The following BACH2 variants were observed in gnomAD, a reference collection of about 807,000 sequenced individuals.
BACH2 encodes the protein transcription regulator protein BACH2.
In BACH2, 5 loss-of-function variants were observed where a neutral mutation model predicts 61.8. The observed-to-expected ratio is 0.08, with a 90% CI of 0.04 to 0.17. The LOEUF (loss-of-function observed/expected upper bound fraction) is 0.17. BACH2 is among the 10% of genes least tolerant of loss of function. The pLI is 1.00. For synonymous variants in BACH2, 446 were observed against 440.1 expected (o/e 1.01, Z -0.17); for missense variants, 824 against 1,091.1 (o/e 0.76, Z 3.45).
chr6:90,212,518 G>A (rs1228071355), intron 3 of BACH2, among the ~76,000 whole-genome samples: 1 of 152,134 alleles, frequency 6.6e-6, no homozygotes, highest in African/African-American at 2.4e-5. Flanking sequence ...CTATAACATG[G>A]TTCTGCCCCA....
intron 1 of BACH2, among the ~76,000 whole-genome samples, chr6:90,274,541 C>T (rs533518135): frequency 4.6e-5 from 7 of 152,264 alleles, no homozygotes; most frequent in African/African-American, 1.2e-4. Context: ...GACAAGCTGG[C>T]GGAAGTGGGT....
Position 90,014,944 on chromosome 6 carries a change from A to ATT in BACH2, c.-12-6090_-12-6089dup, listed in dbSNP as rs386407909. Among the ~76,000 whole-genome samples the ATT allele has an allele frequency of 1.3e-3, 173 of 133,628 alleles. 1 individual carries two copies. The highest frequency in any genetic ancestry group is 1.6e-3 in the African/African-American group (59 of 35,920). 87.7% of individuals were successfully genotyped at this position (133,628 alleles called of 152,430 possible). A position where few individuals can be genotyped will look rare whatever the true frequency, so the allele number is the denominator to read the frequency against. ...ATAGGCCGTGCCACCATGTTCAGCT[A>ATT]TTTTTTTTTTTTTTTTGTAAGAGAT... On this transcript the variant is annotated intron_variant, in intron 5 of 8. Coordinates refer to ENST00000257749, the MANE Select transcript of BACH2 (RefSeq NM_021813.4).
intron 4 of BACH2, among the ~76,000 whole-genome samples, chr6:90,133,135 T>C (rs1198476047): frequency 6.6e-6 from 1 of 152,216 alleles, no homozygotes; most frequent in Non-Finnish European, 1.5e-5. Flanking sequence ...CCCAGAAGAT[T>C]ATATTTTCTA....
rs373876459 is a variant in BACH2 at position 89,990,110 on chromosome 6, T to C, written c.243+18492A>G. Among the ~76,000 whole-genome samples the C allele has an allele frequency of 2.3e-4, 35 of 152,230 alleles. No individual in the cohort carries two copies. In the East Asian group the frequency reaches 5.0e-3, roughly 22 times the overall value. ...ATATGTCACTGTGAATAGGGCCACATCTTCACCACATATTCTCCCTTTCCC... is the reference window on the plus strand; with the variant it reads ...ATATGTCACTGTGAATAGGGCCACACCTTCACCACATATTCTCCCTTTCCC... On this transcript the variant is annotated intron_variant, in intron 6 of 8. Transcript: ENST00000257749.
rs539402658 is a variant in BACH2 at position 90,006,135 on chromosome 6, T to G, written c.243+2467A>C. Among the ~76,000 whole-genome samples the G allele has an allele frequency of 5.9e-5, 9 of 152,340 alleles. No homozygotes were observed. In the South Asian group the frequency reaches 1.9e-3, roughly 32 times the overall value. ...CCAGTTTCCTTTACACTTTACTGCC[T>G]TGGTATTGTATTTTTGGTAAATAAT... is the stretch of plus-strand genomic sequence containing the variant. On this transcript the variant is annotated intron_variant, in intron 6 of 8. Coordinates refer to ENST00000257749, the MANE Select transcript of BACH2 (RefSeq NM_021813.4).
intron 5 of BACH2, among the ~76,000 whole-genome samples, chr6:90,011,426 T>TG (rs2127781625): frequency 6.6e-6 from 1 of 152,350 alleles, no homozygotes; most frequent in Admixed American, 6.5e-5. Context: ...TTGTTTTTTT[T>TG]GGAGACAAAC....
At chr6:90,091,482 A>C (rs1389063860) in intron 4 of BACH2, among the ~76,000 whole-genome samples, 6 of 152,172 alleles carry the variant, frequency 3.9e-5, no homozygotes, top group Non-Finnish European at 7.3e-5. Flanking sequence ...ATGCTAAAGC[A>C]GGTCTTACAG....
intron 5 of BACH2, among the ~76,000 whole-genome samples, chr6:90,040,035 T>C (rs1779455811): frequency 6.6e-6 from 1 of 151,864 alleles, no homozygotes. Flanking sequence ...TTTTTTTTTT[T>C]TTTGGCCGTG....
intron 6 of BACH2, among the ~76,000 whole-genome samples, chr6:89,972,220 C>T (rs1582119860): frequency 6.6e-6 from 1 of 152,224 alleles, no homozygotes; most frequent in African/African-American, 2.4e-5. Context: ...TCACTGGAGT[C>T]TGTTGCGCAG....
At position 90,263,996 on chromosome 6, in the gene BACH2, C is replaced by A. The variant is rs1771246328; in HGVS notation, c.-353+7853G>T. On this transcript the variant is annotated intron_variant, in intron 2 of 8. Coordinates refer to ENST00000257749, the MANE Select transcript of BACH2 (RefSeq NM_021813.4). Reference sequence around the variant, plus strand: ...TGGCCAAAACACTGACTTCAGAGCACCAGGAGAAACTCCTTGGACTAGATA... The same window carrying A: ...TGGCCAAAACACTGACTTCAGAGCAACAGGAGAAACTCCTTGGACTAGATA... 2.0e-5 allele frequency among the ~76,000 whole-genome samples: 3 copies of A among 152,252 alleles called. No homozygotes were observed. The South Asian group carries it at 6.2e-4, about 32-fold the overall frequency.
intron 4 of BACH2, among the ~76,000 whole-genome samples, chr6:90,113,164 C>A (rs1783250356): frequency 6.6e-6 from 1 of 152,230 alleles, no homozygotes; most frequent in Middle Eastern, 3.4e-3. Flanking sequence ...TGGGAGACTT[C>A]AACACTCCAC....
At chr6:90,166,348 C>A (rs1235294922) in intron 4 of BACH2, among the ~76,000 whole-genome samples, 1 of 152,066 alleles carries the variant, frequency 6.6e-6, no homozygotes, top group Non-Finnish European at 1.5e-5. Context: ...ATCAAAACCA[C>A]AATGAGATAC....
chr6:90,267,952 T>C (rs1421542109), intron 2 of BACH2, among the ~76,000 whole-genome samples: 1 of 152,080 alleles, frequency 6.6e-6, no homozygotes, highest in Admixed American at 6.6e-5. Context: ...TCCTACAATT[T>C]TTTTTAAAAT....
intron 4 of BACH2, among the ~76,000 whole-genome samples, chr6:90,150,535 T>C (rs752257853): frequency 1.3e-4 from 20 of 152,300 alleles, no homozygotes; most frequent in Non-Finnish European, 1.9e-4. Context: ...TGGGATTCGA[T>C]GTGCTAGAGA....
chr6:90,260,948 G>A (rs766240150), intron 2 of BACH2, among the ~76,000 whole-genome samples: 2 of 152,212 alleles, frequency 1.3e-5, no homozygotes, highest in Non-Finnish European at 2.9e-5. Context: ...CCACAGGAAT[G>A]AGCCTGAAAT....
intron 5 of BACH2, among the ~76,000 whole-genome samples, chr6:90,042,573 T>C (rs180957263): frequency 7.9e-5 from 12 of 152,202 alleles, no homozygotes; most frequent in Admixed American, 7.2e-4. Context: ...ACTGTGAGAA[T>C]AAACATGAAG....
chr6:90,237,174 C>T (rs1038012382), intron 3 of BACH2, among the ~76,000 whole-genome samples: 1 of 152,186 alleles, frequency 6.6e-6, no homozygotes, highest in Non-Finnish European at 1.5e-5. Context: ...CCATCCACCT[C>T]GGCCTCCCAA....
chr6:90,081,807 G>T (rs1419879732), intron 5 of BACH2, among the ~76,000 whole-genome samples: 1 of 152,030 alleles, frequency 6.6e-6, no homozygotes, highest in African/African-American at 2.4e-5. Flanking sequence ...TTTCTCAGAT[G>T]AATCTTCTAA....
chr6:89,938,365 A>G lies in BACH2; in HGVS notation c.1837-15T>C. ...GGAAGTTTTACCTGAAACCAAGAAT[A>G]ACAGAAAATGATTATGGCAGCTGGA... On this transcript the variant is annotated splice_polypyrimidine_tract_variant and intron_variant, in intron 7 of 8. Coordinates refer to ENST00000257749, the MANE Select transcript of BACH2 (RefSeq NM_021813.4). The G allele has an allele frequency of 6.2e-7, 1 of 1,600,408 alleles. No individual in the cohort carries two copies. Among genetic ancestry groups the G allele is most frequent in the Non-Finnish European group, 8.6e-7 (1 of 1,168,386 alleles).
Sources: allele counts gnomAD v4.1 joint callset (sites outside exome capture counted in the v4.1 genomes callset), GRCh38; gene constraint gnomAD v4.1.1; transcripts MANE v1.5; gene names NCBI Gene and HGNC (gene_info 2026-07-23, HGNC 2026-07-21).